The following KLHL7 variants were observed in gnomAD, a reference collection of about 807,000 sequenced individuals.
KLHL7 encodes kelch-like protein 7.
Under a neutral mutation model 67.4 loss-of-function variants are expected in KLHL7, and 44 were observed. The ratio of observed to expected loss-of-function variants is 0.65; its 90% CI spans 0.51 to 0.84. The LOEUF is 0.84. Ranked by LOEUF, KLHL7 falls within the 40% of genes least tolerant of loss-of-function variation. The pLI is 0.00. For missense variants in KLHL7, 362 were observed against 718.1 expected, an observed-to-expected ratio of 0.50 and a Z score of 5.67; for synonymous variants, 252 against 243.3, an observed-to-expected ratio of 1.04 and a Z score of -0.33.
chr7:23,107,496 A>T (rs2128455255), intron 1 of KLHL7, among the ~76,000 whole-genome samples: 1 of 152,350 alleles, frequency 6.6e-6, no homozygotes, highest in African/African-American at 2.4e-5. Context: ...ATTGTAAAGC[A>T]TTGCCTTAAT....
chr7:23,148,705 A>C (rs1324410723), intron 6 of KLHL7, among the ~76,000 whole-genome samples: 1 of 152,250 alleles, frequency 6.6e-6, no homozygotes, highest in East Asian at 1.9e-4. Flanking sequence ...AGCCAGTCTC[A>C]GAATCTAGTG....
At chr7:23,109,842 C>T (rs1782793045) in intron 1 of KLHL7, among the ~76,000 whole-genome samples, 1 of 152,232 alleles carries the variant, frequency 6.6e-6, no homozygotes, top group South Asian at 2.1e-4. Flanking sequence ...CAATTCCAGT[C>T]ATCCAGACCT....
chr7:23,124,838 A>G (rs770719873), intron 3 of KLHL7, 57 bp downstream of exon 3: 1 of 1,253,328 alleles, frequency 8.0e-7, no homozygotes, highest in South Asian at 1.2e-5. Flanking sequence ...ACCATGGCAA[A>G]GCATTGTCGT....
chr7:23,144,106 A>G lies in KLHL7; in HGVS notation c.793+81A>G, dbSNP rs1784278328. The G allele has an allele frequency of 1.0e-5, 12 of 1,172,530 alleles. No homozygotes were observed. The South Asian group carries it at 1.4e-4, about 13-fold the overall frequency. The allele number at this position is 1,172,530 out of a possible 1,614,324, so 72.6% of individuals were successfully genotyped here. ...CTTAAAACCCTTTAGAATGGATTAG[A>G]CTCAGTAGCCAGGGAGAAACATTCA... On this transcript the variant is annotated intron_variant, in intron 6 of 10. Transcript: ENST00000339077.
chr7:23,106,410 C>T, intron 1 of KLHL7: 4 of 1,311,298 alleles, frequency 3.1e-6, no homozygotes, highest in South Asian at 1.5e-5. Context: ...CTTTCGCCGT[C>T]GGGTATCGGT....
At chr7:23,124,587 C>G (rs7789664) in intron 2 of KLHL7, 101 bp from the exon 3 acceptor site, 3 of 759,678 alleles carry the variant, frequency 3.9e-6, no homozygotes, top group Non-Finnish European at 7.2e-6. Flanking sequence ...AGAACTGTCC[C>G]GTTATTTTTC....
intron 4 of KLHL7, among the ~76,000 whole-genome samples, chr7:23,138,489 G>T (rs1448321824): frequency 3.6e-5 from 5 of 138,058 alleles, no homozygotes; most frequent in Admixed American, 7.8e-5. Context: ...AAAAAAGAAG[G>T]TATAAAACCT....
At chr7:23,106,418 G>T in intron 1 of KLHL7, 2 of 1,298,992 alleles carry the variant, frequency 1.5e-6, no homozygotes, top group Non-Finnish European at 2.0e-6. Flanking sequence ...GTCGGGTATC[G>T]GTTGTGTAAC....
chr7:23,169,583 C>T (rs1300328451), intron 9 of KLHL7, among the ~76,000 whole-genome samples: 2 of 152,004 alleles, frequency 1.3e-5, no homozygotes, highest in Non-Finnish European at 2.9e-5. Flanking sequence ...AAAGAGAAGC[C>T]ATAACCATAA....
Position 23,173,015 on chromosome 7 carries a change from A to G in KLHL7, c.1447A>G (p.Ile483Val). The G allele has an allele frequency of 2.5e-6, 4 of 1,613,718 alleles. No homozygotes were observed. Among genetic ancestry groups the G allele is most frequent in the Non-Finnish European group, 3.4e-6 (4 of 1,179,716 alleles). Residue 483 changes from isoleucine (I) to valine (V), a missense_variant, in exon 10 of 11, where the codon ATA (isoleucine) becomes GTA (valine). Physicochemically the swap from Ile to Val is conservative, Grantham distance 29. Transcript: ENST00000339077. ...TGGGCTGGTATTTGTAAAAGACAAG[A>G]TATTTGCTGTGGGTGGTCAGAATGG... ...NHGLVFVKDK[I>V]FAVGGQNGLG...
intron 7 of KLHL7, among the ~76,000 whole-genome samples, chr7:23,157,509 A>G (rs934425482): frequency 6.6e-6 from 1 of 152,248 alleles, no homozygotes; most frequent in Non-Finnish European, 1.5e-5. Context: ...TTTGTTAGAC[A>G]GGTGGTCTTC....
chr7:23,147,866 G>C (rs1005217607), intron 6 of KLHL7, among the ~76,000 whole-genome samples: 1 of 152,178 alleles, frequency 6.6e-6, no homozygotes, highest in African/African-American at 2.4e-5. Context: ...ACCTCTACCT[G>C]AAGCTGAAGT....
chr7:23,113,144 A>T (rs1359971993), intron 1 of KLHL7, among the ~76,000 whole-genome samples: 1 of 149,790 alleles, frequency 6.7e-6, no homozygotes, highest in African/African-American at 2.5e-5. Flanking sequence ...AAAAAAAAAA[A>T]TAGAATGAGA....
At chr7:23,162,089 A>G (rs1241622192) in intron 7 of KLHL7, among the ~76,000 whole-genome samples, 3 of 152,180 alleles carry the variant, frequency 2.0e-5, no homozygotes, top group African/African-American at 4.8e-5. Flanking sequence ...TAGAAACACA[A>G]CAGTGACAAG....
intron 6 of KLHL7, among the ~76,000 whole-genome samples, 184 bp downstream of exon 6, chr7:23,144,209 T>C (rs1784282626): frequency 1.3e-5 from 2 of 152,216 alleles, no homozygotes; most frequent in South Asian, 4.1e-4. Flanking sequence ...TCAACCCTTA[T>C]TTTATAGGGG....
chr7:23,165,215 G>A (rs1053178919), intron 7 of KLHL7, among the ~76,000 whole-genome samples: 1 of 152,142 alleles, frequency 6.6e-6, no homozygotes, highest in Non-Finnish European at 1.5e-5. Flanking sequence ...TAATAAAGAA[G>A]TCCACAAAAT....
At chr7:23,135,094 G>C (rs1160575563) in intron 4 of KLHL7, among the ~76,000 whole-genome samples, 1 of 151,940 alleles carries the variant, frequency 6.6e-6, no homozygotes, top group Non-Finnish European at 1.5e-5. Flanking sequence ...TCTTAGTACT[G>C]CTTTTGTTGT....
intron 4 of KLHL7, among the ~76,000 whole-genome samples, chr7:23,127,930 A>C (rs543693474): frequency 1.3e-5 from 2 of 151,934 alleles, no homozygotes; most frequent in Non-Finnish European, 2.9e-5. Context: ...AACAGCCAAA[A>C]TGAATGGCTC....
At chr7:23,151,974 GA>G in intron 6 of KLHL7, 92 bp from the exon 7 acceptor site, 5 of 1,213,486 alleles carry the variant, frequency 4.1e-6, no homozygotes, top group Non-Finnish European at 6.1e-6. Context: ...GTAAGTTACT[GA>G]AATAAAGGCC....
Sources: gnomAD v4.1 joint callset for allele counts (sites outside exome capture counted in the v4.1 genomes callset) on GRCh38, gnomAD v4.1.1 for gene constraint, MANE v1.5 for transcripts, NCBI Gene and HGNC (gene_info 2026-07-23, HGNC 2026-07-21) for gene names.